IFT172: variants seen among roughly 807,000 people sequenced by gnomAD.
IFT172 encodes the protein intraflagellar transport 172, also known as intraflagellar transport protein 172 homolog.
Under a neutral mutation model 248.9 loss-of-function variants are expected in IFT172, and 164 were observed. The ratio of observed to expected loss-of-function variants is 0.66; its 90% confidence interval spans 0.58 to 0.75. The LOEUF (loss-of-function observed/expected upper bound fraction) is 0.75, where lower values mean the gene tolerates loss of function less well. Among genes scored for constraint, IFT172 ranks in the 30% least tolerant of loss-of-function variants. The probability of loss-of-function intolerance (pLI) is 0.00; values close to 1 mark genes in which losing one functional copy is unlikely to be tolerated. For synonymous variants in IFT172, 729 were observed against 791.6 expected, an observed-to-expected ratio of 0.92 and a Z score of 1.33; for missense variants, 1,950 against 2,192.4, an observed-to-expected ratio of 0.89 and a Z score of 2.21.
At position 27,476,569 on chromosome 2, in the gene IFT172, G is replaced by A. The variant is rs1667967599; in HGVS notation, c.1411+72C>T. On this transcript the variant is annotated intron_variant, in intron 14 of 47. Transcript: ENST00000260570. The stretch of plus-strand genomic sequence containing the variant: ...CAGATTCCTGCATTCCCCACTGAAT[G>A]CAATCCTGTGGTATGGAAGTGTGAT... 7.7e-6 allele frequency: 7 copies of A among 913,466 alleles called. No individual in the cohort carries two copies. The South Asian group carries it at 1.0e-4, about 13-fold the overall frequency. The allele number at this position is 913,466 out of a possible 1,614,324, so 56.6% of individuals were successfully genotyped here.
intron 10 of IFT172, among the ~76,000 whole-genome samples, chr2:27,478,938 A>G (rs1410193491): frequency 6.6e-6 from 1 of 152,204 alleles, no homozygotes; most frequent in Non-Finnish European, 1.5e-5. Context: ...GCCAGTGTGT[A>G]GCCAGTAAAG....
At chr2:27,446,179 T>G (rs1163178340) in intron 43 of IFT172, 81 bp downstream of exon 43, 1 of 1,447,928 alleles carries the variant, frequency 6.9e-7, no homozygotes, top group Non-Finnish European at 9.7e-7. Context: ...TCAGCTTTCC[T>G]CTACCAGAGC....
At chr2:27,459,297 G>C in intron 25 of IFT172, 81 bp downstream of exon 25, 1 of 1,530,896 alleles carries the variant, frequency 6.5e-7, no homozygotes, top group Non-Finnish European at 8.9e-7. Context: ...TGGTGAACTT[G>C]CCTCCACTTC....
In IFT172 at chr2:27,485,136, A is replaced by T. The variant is rs371658303; in HGVS notation, c.184-6T>A. ...ATATAGCTCTTCCTGCCATACTAAGAGTTTAAAAAAAAAAAAAGAAAGAAA... is the reference window on the plus strand; with the variant it reads ...ATATAGCTCTTCCTGCCATACTAAGTGTTTAAAAAAAAAAAAAGAAAGAAA... On this transcript the variant is annotated splice_region_variant and splice_polypyrimidine_tract_variant and intron_variant, in intron 2 of 47. Transcript: ENST00000260570. 32 of 1,532,412 alleles carry T rather than the reference A, an allele frequency of 2.1e-5. No homozygotes were observed. The highest frequency in any genetic ancestry group is 2.9e-5 in the Non-Finnish European group (32 of 1,121,376). The allele number at this position is 1,532,412 out of a possible 1,614,324, so 94.9% of individuals were successfully genotyped here. A position where few individuals can be genotyped will look rare whatever the true frequency, so the allele number is the denominator to read the frequency against.
intron 16 of IFT172, among the ~76,000 whole-genome samples, chr2:27,467,199 G>A (rs1490399706): frequency 2.6e-5 from 4 of 151,912 alleles, no homozygotes; most frequent in Admixed American, 2.6e-4. Flanking sequence ...AATATTTGAA[G>A]TAAAAAACTC....
In IFT172 at chr2:27,466,092, C is replaced by T. The variant is rs576228594; in HGVS notation, c.1693-210G>A. The T allele has an allele frequency of 2.4e-5, 14 of 588,378 alleles. No homozygotes were observed. The Admixed American group carries it at 3.1e-4, about 13-fold the overall frequency. The allele number at this position is 588,378 out of a possible 1,614,324, so 36.4% of individuals were successfully genotyped here. On this transcript the variant is annotated intron_variant, in intron 16 of 47. Transcript: ENST00000260570. ...GTTAAAGTATACTCCTATGACAGCA[C>T]CAACTCTTGGAGGTATAAAGTGTGG...
At chr2:27,447,681 C>T in intron 41 of IFT172, 47 bp from the exon 42 acceptor site, 1 of 1,613,412 alleles carries the variant, frequency 6.2e-7, no homozygotes, top group East Asian at 2.2e-5. Context: ...CAGAGGAGTG[C>T]CAGGGCCATA....
intron 16 of IFT172, 78 bp from the exon 17 acceptor site, chr2:27,465,960 C>G: frequency 6.5e-7 from 1 of 1,540,220 alleles, no homozygotes; most frequent in Non-Finnish European, 8.9e-7. Context: ...GACCCACCCT[C>G]ATCCGACCCA....
Position 27,454,446 on chromosome 2 carries a change from T to C in IFT172, c.3466-28A>G, listed in dbSNP as rs766171181. 1 of 1,613,990 alleles carries C rather than the reference T, an allele frequency of 6.2e-7. No homozygotes were observed. The highest frequency in any genetic ancestry group is 1.3e-5 in the African/African-American group (1 of 74,980). On this transcript the variant is annotated intron_variant, in intron 31 of 47. Transcript: ENST00000260570. This position sits in a 1 kb window ranked among gnomAD's most constrained non-coding sequence, Gnocchi z 4.2. Reference sequence around the variant, plus strand: ...ACAGGGAGAGAAAGGCAGCCGTGCATGATGAGAAGGAGACTGGCATCACAG... The same window carrying C: ...ACAGGGAGAGAAAGGCAGCCGTGCACGATGAGAAGGAGACTGGCATCACAG...
At chr2:27,459,008 T>G in intron 25 of IFT172, 140 bp from the exon 26 acceptor site, 1 of 814,526 alleles carries the variant, frequency 1.2e-6, no homozygotes, top group East Asian at 2.7e-5. Context: ...AAGATGAGTA[T>G]GGGTGTCTCA....
Position 27,454,182 on chromosome 2 carries a change from G to T in IFT172, c.3531-20C>A. The T allele has an allele frequency of 6.2e-7, 1 of 1,608,790 alleles. No homozygotes were observed. Among genetic ancestry groups the T allele is most frequent in the South Asian group, 1.1e-5 (1 of 90,546 alleles). On this transcript the variant is annotated intron_variant, in intron 32 of 47. Coordinates refer to ENST00000260570, the MANE Select transcript of IFT172 (RefSeq NM_015662.3). The surrounding 1 kb of genome is among the most constrained non-coding windows in gnomAD (Gnocchi z 4.2). The stretch of plus-strand genomic sequence containing the variant: ...ACAAACCTGCCTCCAGGTGGGGACA[G>T]AGGAGAGACTGAGTATAGGACTGAG...
At chr2:27,450,873 T>C (rs1665605347) in intron 35 of IFT172, among the ~76,000 whole-genome samples, 1 of 152,146 alleles carries the variant, frequency 6.6e-6, no homozygotes, top group African/African-American at 2.4e-5. Context: ...ATTACAGGCA[T>C]GTACCACTGC....
chr2:27,465,714 A>G (rs751682155), intron 17 of IFT172, 32 bp downstream of exon 17: 1 of 1,613,530 alleles, frequency 6.2e-7, no homozygotes, highest in Non-Finnish European at 8.5e-7. Context: ...AGACTCTCCC[A>G]CCACCTCACT....
chr2:27,476,037 T>C (rs1441764225), intron 14 of IFT172, among the ~76,000 whole-genome samples: 2 of 152,140 alleles, frequency 1.3e-5, no homozygotes, highest in Admixed American at 6.6e-5. Context: ...ATAAGATTTA[T>C]AAATCTTATA....
rs1160251004 is a variant in IFT172 at position 27,449,037 on chromosome 2, C to T, written c.4312-6G>A. 6.6e-7 allele frequency: 1 copy of T among 1,513,138 alleles called. No homozygotes were observed. Among genetic ancestry groups the T allele is most frequent in the Non-Finnish European group, 9.2e-7 (1 of 1,088,140 alleles). 93.7% of individuals were successfully genotyped at this position (1,513,138 alleles called of 1,614,324 possible). On this transcript the variant is annotated splice_region_variant and splice_polypyrimidine_tract_variant and intron_variant, in intron 39 of 47. Transcript: ENST00000260570. Reference sequence around the variant, plus strand: ...TTGTGCAGAATCTTGTAGTTCTGTACAGGGGTGGAGGAAAAGCATGAGTGA... The same window carrying T: ...TTGTGCAGAATCTTGTAGTTCTGTATAGGGGTGGAGGAAAAGCATGAGTGA...
At chr2:27,469,804 C>G (rs780889613) in intron 16 of IFT172, among the ~76,000 whole-genome samples, 1 of 152,134 alleles carries the variant, frequency 6.6e-6, no homozygotes, top group Non-Finnish European at 1.5e-5. Flanking sequence ...TGCACTCCAG[C>G]CTGGGTGACA....
chr2:27,450,900 G>A (rs2148480890), intron 35 of IFT172, among the ~76,000 whole-genome samples: 1 of 149,508 alleles, frequency 6.7e-6, no homozygotes, highest in South Asian at 2.1e-4. Flanking sequence ...ATGAAATGGT[G>A]TATTTTAGAT....
intron 16 of IFT172, among the ~76,000 whole-genome samples, chr2:27,468,404 T>C (rs1172835296): frequency 6.6e-6 from 1 of 151,768 alleles, no homozygotes; most frequent in Non-Finnish European, 1.5e-5. Context: ...AGGTAATTTT[T>C]GTTCTTTTTA....
Position 27,448,917 on chromosome 2 carries a change from G to A in IFT172, c.4426C>T (p.Gln1476Ter). 2.0e-6 allele frequency: 3 copies of A among 1,493,034 alleles called. No individual in the cohort carries two copies. The highest frequency in any genetic ancestry group is 2.8e-6 in the Non-Finnish European group (3 of 1,069,216). 92.5% of individuals were successfully genotyped at this position (1,493,034 alleles called of 1,614,324 possible). The change falls in exon 40 of 48, where the codon CAG (glutamine) becomes TAG (stop). Residue 1476 changes from glutamine to a stop codon, truncating the protein, a stop_gained and splice_region_variant. Transcript: ENST00000260570. LOFTEE classifies it high-confidence loss of function. ...CAACCCAAGGAGAAGGCTGGTACCT[G>A]TGGGTTAGCAGGGGCTCCGTGCTGT... is the stretch of plus-strand genomic sequence containing the variant. Reference protein sequence around the residue: ...YVQHGAPANPQNFNIYKRIFT... With the variant: ...YVQHGAPANP
Sources: allele counts gnomAD v4.1 joint callset (sites outside exome capture counted in the v4.1 genomes callset), GRCh38; gene constraint gnomAD v4.1.1; non-coding constraint Gnocchi (gnomAD v3.1); transcripts MANE v1.5; gene names NCBI Gene and HGNC (gene_info 2026-07-23, HGNC 2026-07-21).